The following PRKN variants were observed in gnomAD, a reference collection of about 807,000 sequenced individuals.
PRKN encodes parkin RBR E3 ubiquitin protein ligase, also known as E3 ubiquitin-protein ligase parkin.
PRKN carries 56 observed loss-of-function variants against 59.5 expected under a neutral mutation model. That is an observed-to-expected ratio of 0.94 (90% CI 0.76 to 1.18). The LOEUF (loss-of-function observed/expected upper bound fraction) is 1.18. Among genes scored for constraint, PRKN ranks in the 50% most tolerant of loss-of-function variants. PRKN has a pLI of 0.00. For missense variants in PRKN, 657 were observed against 596.4 expected, an observed-to-expected ratio of 1.10 and a Z score of -1.06; for synonymous variants, 250 against 222.1, an observed-to-expected ratio of 1.13 and a Z score of -1.12.
chr6:162,328,339 C>G (rs989860998), intron 2 of PRKN, among the ~76,000 whole-genome samples: 2 of 152,124 alleles, frequency 1.3e-5, no homozygotes, highest in Non-Finnish European at 2.9e-5. Flanking sequence ...GCACTGCAGC[C>G]TGGCAACAGA....
At chr6:162,182,639 TC>T (rs1783847051) in intron 4 of PRKN, among the ~76,000 whole-genome samples, 1 of 152,214 alleles carries the variant, frequency 6.6e-6, no homozygotes, top group African/African-American at 2.4e-5. Flanking sequence ...CATCCCAGGA[TC>T]CTCGCAGGAG....
rs1477061716 is a variant in PRKN, at chr6:161,405,229, T to C, written c.1084-18352A>G. ...ACAATGGGATTTGGGGGAAAAGTCA[T>C]TAGTCGTCATTTGCCATCCTGTGTT... On this transcript the variant is annotated intron_variant, in intron 9 of 11. Transcript: ENST00000366898. This position sits in a 1 kb window ranked among gnomAD's most constrained non-coding sequence, Gnocchi z 5.1. Among the ~76,000 whole-genome samples the C allele has an allele frequency of 6.6e-6, 1 of 152,170 alleles. No individual in the cohort carries two copies. Among genetic ancestry groups the C allele is most frequent in the Non-Finnish European group, 1.5e-5 (1 of 68,042 alleles).
At chr6:162,332,919 G>T (rs554150269) in intron 2 of PRKN, among the ~76,000 whole-genome samples, 2 of 152,172 alleles carry the variant, frequency 1.3e-5, no homozygotes, top group East Asian at 3.9e-4. Context: ...TTATTTCTAT[G>T]AAATTTTTTC....
chr6:161,946,528 T>C (rs1381695673), intron 6 of PRKN, among the ~76,000 whole-genome samples: 1 of 151,822 alleles, frequency 6.6e-6, no homozygotes, highest in Non-Finnish European at 1.5e-5. Flanking sequence ...GTATTGATGG[T>C]GACACTGATA....
chr6:161,739,323 G>C (rs767412845), intron 7 of PRKN, among the ~76,000 whole-genome samples: 1 of 152,054 alleles, frequency 6.6e-6, no homozygotes, highest in Non-Finnish European at 1.5e-5. Flanking sequence ...TGGGAGAATC[G>C]CTGGAACCTG....
intron 6 of PRKN, among the ~76,000 whole-genome samples, chr6:161,862,709 A>C (rs1405145977): frequency 6.6e-6 from 1 of 152,186 alleles, no homozygotes; most frequent in Non-Finnish European, 1.5e-5. Flanking sequence ...TTTGTCCCTT[A>C]GAATCAAAGG....
At chr6:162,420,990 C>A (rs188039474) in intron 2 of PRKN, among the ~76,000 whole-genome samples, 2 of 152,174 alleles carry the variant, frequency 1.3e-5, no homozygotes, top group Non-Finnish European at 2.9e-5. Flanking sequence ...AAATGCCTTA[C>A]GTCTGCCCCA....
At chr6:162,217,705 A>G (rs1000118566) in intron 3 of PRKN, among the ~76,000 whole-genome samples, 2 of 152,158 alleles carry the variant, frequency 1.3e-5, no homozygotes, top group African/African-American at 4.8e-5. Context: ...AATTTTTAAA[A>G]GAGTATTAAT....
rs1790391363 is a variant in PRKN at position 161,785,812 on chromosome 6, A to G, written c.831T>C (p.Phe277=). ...YCVTRLNDRQ[F]VHDPQLGYSL... ...AGTAGCCAAGTTGAGGGTCGTGAAC[A>G]AACTGCCGATCATTGAGTCTTGTCA... Residue 277 remains phenylalanine (F), a synonymous_variant, in exon 7 of 12, where the codon TTT becomes TTC. Transcript: ENST00000366898. The G allele has an allele frequency of 6.2e-7, 1 of 1,614,164 alleles. No homozygotes were observed. The highest frequency in any genetic ancestry group is 1.7e-5 in the Admixed American group (1 of 60,028).
intron 5 of PRKN, among the ~76,000 whole-genome samples, chr6:161,999,309 T>G (rs1220607705): frequency 6.6e-6 from 1 of 152,024 alleles, no homozygotes; most frequent in Non-Finnish European, 1.5e-5. Context: ...TGCAATTGAT[T>G]TCAGGAAGTG....
At chr6:161,969,684 A>G (rs1487869315) in intron 6 of PRKN, among the ~76,000 whole-genome samples, 2 of 151,934 alleles carry the variant, frequency 1.3e-5, no homozygotes, top group Admixed American at 6.6e-5. Flanking sequence ...TTTTACTTTT[A>G]TTTTCCAGTA....
At chr6:161,728,646 T>C (rs1428257736) in intron 7 of PRKN, among the ~76,000 whole-genome samples, 1 of 152,250 alleles carries the variant, frequency 6.6e-6, no homozygotes, top group Non-Finnish European at 1.5e-5. Flanking sequence ...AGTGTGTATT[T>C]ATTTATCTTC....
intron 1 of PRKN, among the ~76,000 whole-genome samples, chr6:162,688,124 G>A (rs940042394): frequency 2.0e-5 from 3 of 152,148 alleles, no homozygotes; most frequent in African/African-American, 4.8e-5. Context: ...TAAGGTAAAT[G>A]TCTCAATTAC....
intron 4 of PRKN, among the ~76,000 whole-genome samples, chr6:162,095,141 A>ACCCT (rs1779672704): frequency 6.6e-6 from 1 of 152,164 alleles, no homozygotes; most frequent in South Asian, 2.1e-4. Context: ...GTGGCTTTAG[A>ACCCT]ATTACTACAA....
intron 3 of PRKN, among the ~76,000 whole-genome samples, chr6:162,248,718 A>G (rs1779304425): frequency 6.6e-6 from 1 of 152,152 alleles, no homozygotes; most frequent in African/African-American, 2.4e-5. Context: ...CCAAAAAATA[A>G]CAATTAATTA....
rs149064497 is a variant in PRKN, at chr6:162,563,544, T to C, written c.8-120071A>G. 7.1e-4 allele frequency among the ~76,000 whole-genome samples: 108 copies of C among 152,260 alleles called. 1 individual carries two copies. Among genetic ancestry groups the C allele is most frequent in the East Asian group, 7.0e-3 (36 of 5,152 alleles). On this transcript the variant is annotated intron_variant, in intron 1 of 11. Coordinates refer to ENST00000366898, the MANE Select transcript of PRKN (RefSeq NM_004562.3). ...ATCTAGAAAGCCTTTCTGAGAAAGA[T>C]GGCTACAAATAAGCCCAGACAGTGA...
chr6:162,371,134 A>C (rs577210503), intron 2 of PRKN, among the ~76,000 whole-genome samples: 2 of 152,274 alleles, frequency 1.3e-5, no homozygotes, highest in Admixed American at 6.5e-5. Flanking sequence ...CTTTCAATCC[A>C]TTTGTTCAAC....
intron 7 of PRKN, among the ~76,000 whole-genome samples, chr6:161,589,128 C>G (rs920322104): frequency 1.3e-5 from 2 of 152,194 alleles, no homozygotes; most frequent in Admixed American, 1.3e-4. Flanking sequence ...ACATAGTATA[C>G]GGCATGCCGT....
At chr6:161,539,406 A>T (rs1181623913) in intron 9 of PRKN, among the ~76,000 whole-genome samples, 1 of 106,122 alleles carries the variant, frequency 9.4e-6, no homozygotes, top group East Asian at 1.9e-4. Flanking sequence ...CCGGACCACC[A>T]CCTGCATGCC....
Sources: allele counts gnomAD v4.1 joint callset (sites outside exome capture counted in the v4.1 genomes callset), GRCh38; gene constraint gnomAD v4.1.1; non-coding constraint Gnocchi (gnomAD v3.1); transcripts MANE v1.5; gene names NCBI Gene and HGNC (gene_info 2026-07-23, HGNC 2026-07-21).